WWP1: variants seen among roughly 807,000 people sequenced by gnomAD.
WWP1 encodes the protein WW domain containing E3 ubiquitin protein ligase 1.
A neutral mutation model predicts 130.6 loss-of-function variants in WWP1; 49 were observed. That is an observed-to-expected ratio of 0.38 (90% CI 0.30 to 0.48). The LOEUF (loss-of-function observed/expected upper bound fraction) is 0.48. WWP1 is among the 20% of genes least tolerant of loss of function. The probability of loss-of-function intolerance (pLI) is 0.99; values close to 1 mark genes in which losing one functional copy is unlikely to be tolerated. For synonymous variants in WWP1, 332 were observed against 367.8 expected (o/e 0.90, Z 1.11); for missense variants, 809 against 1,100.6 (o/e 0.74, Z 3.75).
At chr8:86,452,458 A>G (rs1811224675) in intron 20 of WWP1, 101 bp from the exon 21 acceptor site, 1 of 992,602 alleles carries the variant, frequency 1.0e-6, no homozygotes, top group Non-Finnish European at 1.4e-6. Context: ...TATATATGGC[A>G]TATTTAGAAA....
chr8:86,439,554 T>G (rs962529696), intron 17 of WWP1, among the ~76,000 whole-genome samples: 4 of 152,140 alleles, frequency 2.6e-5, no homozygotes, highest in Non-Finnish European at 4.4e-5. Context: ...ATATCATAAT[T>G]AATAGATTAG....
At chr8:86,427,537 T>A in intron 10 of WWP1, 106 bp from the exon 11 acceptor site, 1 of 1,188,490 alleles carries the variant, frequency 8.4e-7, no homozygotes. Flanking sequence ...ATGTTTTAGT[T>A]ATTTTAACAT....
At chr8:86,447,421 C>A (rs1396438825) in intron 18 of WWP1, among the ~76,000 whole-genome samples, 2 of 152,268 alleles carry the variant, frequency 1.3e-5, no homozygotes, top group Middle Eastern at 6.8e-3. Flanking sequence ...CGCGTGCCAC[C>A]ATGCCCAGCT....
chr8:86,457,816 TTCACATAA>T (rs1222866578), intron 21 of WWP1, 97 bp from the exon 22 acceptor site: 7 of 972,230 alleles, frequency 7.2e-6, no homozygotes, highest in Non-Finnish European at 9.4e-6. Context: ...CATATAGCTT[TTCACATAA>T]TTTGCCATGT....
chr8:86,417,767 A>G (rs1336173455), intron 9 of WWP1, among the ~76,000 whole-genome samples: 1 of 152,244 alleles, frequency 6.6e-6, no homozygotes, highest in African/African-American at 2.4e-5. Context: ...TTTAAGTCAT[A>G]TAGAAATATT....
At chr8:86,430,841 T>TG (rs1236251738) in intron 12 of WWP1, 90 bp downstream of exon 12, 2 of 398,258 alleles carry the variant, frequency 5.0e-6, no homozygotes, top group Non-Finnish European at 7.4e-6. Context: ...ATGTTCCTTA[T>TG]TTTATATATA....
intron 3 of WWP1, among the ~76,000 whole-genome samples, chr8:86,378,819 G>A (rs1824818325): frequency 6.6e-6 from 1 of 152,150 alleles, no homozygotes; most frequent in Non-Finnish European, 1.5e-5. Context: ...TCAGAGAAGA[G>A]TTAATACTAT....
At position 86,427,728 on chromosome 8, in the gene WWP1, G is replaced by C; in HGVS notation, c.1243G>C (p.Glu415Gln). ...RTTTWQRPTMESVRNFEQWQS... is the reference protein window; with the variant it reads ...RTTTWQRPTMQSVRNFEQWQS... ...AACAACGTGGCAGCGGCCTACCATGGAATCTGTCCGAAATTTTGAACAGTG... is the reference window on the plus strand; with the variant it reads ...AACAACGTGGCAGCGGCCTACCATGCAATCTGTCCGAAATTTTGAACAGTG... Residue 415 changes from glutamate (E) to glutamine (Q), a missense_variant, in exon 11 of 25, where the codon GAA becomes CAA. By Grantham distance (29) the Glu-to-Gln change is conservative. Around this residue, in one of 3 missense-constraint regions of WWP1, gnomAD observed 450 missense variants for 674.2 expected, o/e 0.67. Transcript: ENST00000517970. The C allele has an allele frequency of 6.2e-7, 1 of 1,614,060 alleles. No individual in the cohort carries two copies. Among genetic ancestry groups the C allele is most frequent in the East Asian group, 2.2e-5 (1 of 44,874 alleles).
chr8:86,401,257 T>G (rs905539151), intron 7 of WWP1, among the ~76,000 whole-genome samples: 1 of 152,088 alleles, frequency 6.6e-6, no homozygotes, highest in Non-Finnish European at 1.5e-5. Flanking sequence ...TTTCAAGATT[T>G]AATAAAGTTA....
At chr8:86,457,733 G>C (rs7464360) in intron 21 of WWP1, among the ~76,000 whole-genome samples, 188 bp from the exon 22 acceptor site, 19,806 of 152,066 alleles carry the variant, frequency 0.13, 3,425 homozygotes, top group African/African-American at 0.4. Flanking sequence ...GTAAAATAAA[G>C]TACCAGAGAA....
chr8:86,424,907 C>T (rs556516249), intron 9 of WWP1, among the ~76,000 whole-genome samples: 2 of 149,920 alleles, frequency 1.3e-5, no homozygotes, highest in South Asian at 4.3e-4. Context: ...GATTCAATTT[C>T]TGTTTTCTGA....
At position 86,448,148 on chromosome 8, in the gene WWP1, G is replaced by A; in HGVS notation, c.1999G>A (p.Ala667Thr). 6.5e-7 allele frequency: 1 copy of A among 1,549,336 alleles called. No individual in the cohort carries two copies. The highest frequency in any genetic ancestry group is 8.6e-7 in the Non-Finnish European group (1 of 1,161,814). ...TAAAATTTTTCATTTTTCTTTGCAG[G>A]CACTATTTCATGGAAAGTTTATCGA... ...FCFIGRFIAM[A>T]LFHGKFIDTG... The change falls in exon 19 of 25, where the codon GCA becomes ACA. Residue 667 changes from alanine to threonine, a missense_variant and splice_region_variant. Ala to Thr is a moderately conservative substitution (Grantham distance 58, BLOSUM62 0). This residue lies in a region of WWP1 where 450 missense variants were observed against 674.2 expected (regional missense o/e 0.67). Coordinates refer to ENST00000517970, the MANE Select transcript of WWP1 (RefSeq NM_007013.4).
intron 1 of WWP1, among the ~76,000 whole-genome samples, chr8:86,347,790 G>A (rs1052481199): frequency 2.0e-5 from 3 of 152,054 alleles, no homozygotes; most frequent in Non-Finnish European, 4.4e-5. Context: ...TAAAAGCTTA[G>A]TCTTCAAAAA....
chr8:86,440,545 ATTTTT>A, intron 17 of WWP1: 1 of 352,036 alleles, frequency 2.8e-6, no homozygotes, highest in Non-Finnish European at 5.5e-6. Context: ...TAAGAACCTT[ATTTTT>A]CCTCTGGGTG....
intron 5 of WWP1, among the ~76,000 whole-genome samples, chr8:86,396,900 T>TA (rs1807708909): frequency 6.6e-6 from 1 of 152,150 alleles, no homozygotes. Context: ...TGTCTGGCCT[T>TA]AATTTTTAAA....
At chr8:86,368,168 C>T (rs192487838) in intron 1 of WWP1, among the ~76,000 whole-genome samples, 1 of 152,218 alleles carries the variant, frequency 6.6e-6, no homozygotes, top group Admixed American at 6.5e-5. Context: ...ACTCTAAGTG[C>T]TAAGTGTTTT....
intron 1 of WWP1, among the ~76,000 whole-genome samples, chr8:86,362,536 T>C (rs1351849440): frequency 6.6e-6 from 1 of 151,884 alleles, no homozygotes; most frequent in African/African-American, 2.4e-5. Flanking sequence ...TAGACATCAT[T>C]ATTTTAGGAA....
At chr8:86,376,126 C>T (rs1037558077) in intron 3 of WWP1, among the ~76,000 whole-genome samples, 11 of 152,192 alleles carry the variant, frequency 7.2e-5, no homozygotes, top group South Asian at 2.1e-4. Context: ...TACATAATTC[C>T]TTCTACTTTT....
chr8:86,465,006 C>A (rs1811969729), intron 24 of WWP1, among the ~76,000 whole-genome samples: 1 of 152,070 alleles, frequency 6.6e-6, no homozygotes, highest in Non-Finnish European at 1.5e-5. Context: ...AAGTAATTAC[C>A]ACCCACTGAT....
Sources: gnomAD v4.1 joint callset for allele counts (sites outside exome capture counted in the v4.1 genomes callset) on GRCh38, gnomAD v4.1.1 for gene constraint, gnomAD v4.1.1 regional missense constraint, MANE v1.5 for transcripts, NCBI Gene and HGNC (gene_info 2026-07-23, HGNC 2026-07-21) for gene names.